The following ECRG4 variants were observed in gnomAD, a reference collection of about 807,000 sequenced individuals.
ECRG4 encodes the protein ECRG4 augurin precursor.
Under a neutral mutation model 15.8 loss-of-function variants are expected in ECRG4, and 18 were observed. That is an observed-to-expected ratio of 1.14 (90% confidence interval 0.79 to 1.69). The LOEUF (loss-of-function observed/expected upper bound fraction) is 1.69. Among genes scored for constraint, ECRG4 ranks in the 40% most tolerant of loss-of-function variants. ECRG4 has a pLI of 0.00. For synonymous variants in ECRG4, 82 were observed against 73.9 expected, an observed-to-expected ratio of 1.11 and a Z score of -0.56; for missense variants, 200 against 190.9, an observed-to-expected ratio of 1.05 and a Z score of -0.28.
chr2:106,069,160 CTTTCTTTCTTT>C (rs958410825), intron 1 of ECRG4, among the ~76,000 whole-genome samples: 3 of 133,962 alleles, frequency 2.2e-5, no homozygotes, highest in Non-Finnish European at 4.9e-5. Context: ...TTCTTTCTTT[CTTTCTTTCTTT>C]TTTCTTTCTT....
chr2:106,077,964 G>A lies in ECRG4; in HGVS notation c.*38G>A, dbSNP rs12636. The A allele has an allele frequency of 3.4e-5, 54 of 1,596,002 alleles. No homozygotes were observed. Among genetic ancestry groups the A allele is most frequent in the South Asian group, 4.5e-5 (4 of 88,772 alleles). Reference sequence around the variant, plus strand: ...ACACGCTGTACAAGAAGCAAATAGCGATTCTCTTCATGTATCTCCTAATGC... The same window carrying A: ...ACACGCTGTACAAGAAGCAAATAGCAATTCTCTTCATGTATCTCCTAATGC... On this transcript the variant is annotated 3_prime_UTR_variant, in exon 4 of 4. Transcript: ENST00000238044.
intron 1 of ECRG4, among the ~76,000 whole-genome samples, chr2:106,066,901 G>A (rs1038366383): frequency 1.2e-4 from 18 of 152,164 alleles, no homozygotes; most frequent in Admixed American, 7.2e-4. Context: ...TTCAGGTGGG[G>A]AGGATTATTG....
chr2:106,063,908 A>G (rs1031511952), upstream of ECRG4, among the ~76,000 whole-genome samples: 1 of 152,212 alleles, frequency 6.6e-6, no homozygotes, highest in African/African-American at 2.4e-5. Flanking sequence ...TGAATGTCAT[A>G]TTAGAAGTAG....
At chr2:106,064,659 A>G (rs146691520), upstream of ECRG4, among the ~76,000 whole-genome samples, 7 of 152,264 alleles carry the variant, frequency 4.6e-5, no homozygotes, top group African/African-American at 1.4e-4. Context: ...CCTGGGCAAC[A>G]AGAGTGAAAC....
chr2:106,071,457 G>C (rs920040317), intron 1 of ECRG4, among the ~76,000 whole-genome samples: 2 of 152,012 alleles, frequency 1.3e-5, no homozygotes, highest in Non-Finnish European at 2.9e-5. Context: ...ACATTCAGGG[G>C]TTTCTGGTGG....
Position 106,077,872 on chromosome 2 carries a change from C to A in ECRG4, c.393C>A (p.Pro131=). The A allele has an allele frequency of 6.2e-7, 1 of 1,614,122 alleles. No homozygotes were observed. Among genetic ancestry groups the A allele is most frequent in the Non-Finnish European group, 8.5e-7 (1 of 1,180,024 alleles). The change falls in exon 4 of 4, where the codon CCC becomes CCA. Residue 131 remains proline (P), a synonymous_variant. Coordinates refer to ENST00000238044, the MANE Select transcript of ECRG4 (RefSeq NM_032411.3). ...ATGATGAAGACTCTGCAATTGGTCC[C>A]CGGAGCCCCTACGGCTTTAGGCATG... ...RHYDEDSAIG[P]RSPYGFRHGA...
At chr2:106,068,472 T>A (rs746497535) in intron 1 of ECRG4, among the ~76,000 whole-genome samples, 6 of 152,200 alleles carry the variant, frequency 3.9e-5, no homozygotes, top group Non-Finnish European at 7.3e-5. Flanking sequence ...GCAGCAACAT[T>A]CATAATTCAT....
rs114752602 is a variant in ECRG4, at chr2:106,065,720, C to T, written c.-45C>T. ...TCCCGCGCCCGGTTCTCCCTCGCAGCACCTCGAAGTGCGCCCCTCGCCCTC... is the reference window on the plus strand; with the variant it reads ...TCCCGCGCCCGGTTCTCCCTCGCAGTACCTCGAAGTGCGCCCCTCGCCCTC... On this transcript the variant is annotated 5_prime_UTR_variant, in exon 1 of 4. Coordinates refer to ENST00000238044, the MANE Select transcript of ECRG4 (RefSeq NM_032411.3). 14 of 1,417,764 alleles carry T rather than the reference C, an allele frequency of 9.9e-6. No individual in the cohort carries two copies. Among genetic ancestry groups the T allele is most frequent in the Admixed American group, 2.5e-5 (1 of 39,684 alleles). 87.8% of individuals were successfully genotyped at this position (1,417,764 alleles called of 1,614,324 possible).
chr2:106,066,281 G>A (rs1264080147), intron 1 of ECRG4, among the ~76,000 whole-genome samples: 1 of 152,246 alleles, frequency 6.6e-6, no homozygotes, highest in Non-Finnish European at 1.5e-5. Flanking sequence ...TCCCAGCTGG[G>A]TCAAGTTGCA....
Position 106,076,152 on chromosome 2 carries a change from C to T in ECRG4, c.286-1613C>T, listed in dbSNP as rs933251317. Reference sequence around the variant, plus strand: ...CCAACATGGCAAAACCCTGTCTCTACTAAAAATACAAAAAAATTAGCCAGG... The same window carrying T: ...CCAACATGGCAAAACCCTGTCTCTATTAAAAATACAAAAAAATTAGCCAGG... On this transcript the variant is annotated intron_variant, in intron 3 of 3. Coordinates refer to ENST00000238044, the MANE Select transcript of ECRG4 (RefSeq NM_032411.3). 2.6e-5 allele frequency among the ~76,000 whole-genome samples: 4 copies of T among 152,000 alleles called. No homozygotes were observed. In the East Asian group the frequency reaches 5.8e-4, roughly 22 times the overall value.
At chr2:106,071,322 T>TAAAAAAAAAAAAAAAA (rs10649647) in intron 1 of ECRG4, among the ~76,000 whole-genome samples, 119 of 78,304 alleles carry the variant, frequency 1.5e-3, no homozygotes, top group African/African-American at 2.1e-3. Flanking sequence ...GGTAAGGCTG[T>TAAAAAAAAAAAAAAAA]AAAAAAAAAA....
rs971309618 is a variant in ECRG4, at chr2:106,077,917, T to C, written c.438T>C (p.Asp146=). 3.0e-5 allele frequency: 48 copies of C among 1,614,060 alleles called. No homozygotes were observed. The highest frequency in any genetic ancestry group is 4.0e-5 in the Non-Finnish European group (47 of 1,180,004). The change falls in exon 4 of 4, where the codon GAT becomes GAC. Residue 146 remains aspartate, a synonymous_variant. Transcript: ENST00000238044. ...GFRHGASVNY[D]DY ...GGCATGGAGCCAGCGTCAACTACGA[T>C]GACTACTAACCATGACTTGCCACAC...
chr2:106,068,652 GCACTTT>G (rs1676274884), intron 1 of ECRG4, among the ~76,000 whole-genome samples: 1 of 152,106 alleles, frequency 6.6e-6, no homozygotes, highest in South Asian at 2.1e-4. Flanking sequence ...TAATTGTTAA[GCACTTT>G]CACAGAAGGC....
At chr2:106,067,074 G>GGGGGGGGGGGGGC (rs1676238886) in intron 1 of ECRG4, among the ~76,000 whole-genome samples, 1 of 90,384 alleles carries the variant, frequency 1.1e-5, no homozygotes, top group African/African-American at 4.2e-5. Flanking sequence ...GGGGGGGGGG[G>GGGGGGGGGGGGGC]GCAGATCACC....
intron 1 of ECRG4, among the ~76,000 whole-genome samples, chr2:106,069,473 A>G (rs1381743118): frequency 1.3e-5 from 2 of 151,916 alleles, no homozygotes; most frequent in Admixed American, 6.6e-5. Flanking sequence ...AGCTGGGACT[A>G]CAGGCATGCA....
intron 1 of ECRG4, 128 bp from the exon 2 acceptor site, chr2:106,071,716 G>A (rs1270500570): frequency 3.0e-6 from 2 of 668,840 alleles, no homozygotes; most frequent in African/African-American, 3.6e-5. Flanking sequence ...GTTAAATACT[G>A]TGATGTTACC....
chr2:106,070,828 C>A (rs1676347874), intron 1 of ECRG4: 2 of 450,866 alleles, frequency 4.4e-6, no homozygotes, highest in Non-Finnish European at 9.2e-6. Flanking sequence ...AGGCTAAGAA[C>A]CCTGCTGAGA....
intron 1 of ECRG4, among the ~76,000 whole-genome samples, chr2:106,067,208 C>T (rs1033251426): frequency 6.6e-6 from 1 of 151,866 alleles, no homozygotes; most frequent in Admixed American, 6.6e-5. Flanking sequence ...AGGAGAATTG[C>T]TTGAATCTGG....
At chr2:106,063,949 G>A (rs185195296), upstream of ECRG4, among the ~76,000 whole-genome samples, 1 of 152,244 alleles carries the variant, frequency 6.6e-6, no homozygotes, top group African/African-American at 2.4e-5. Flanking sequence ...TAAGGGGGAT[G>A]ATCTCCACAG....
Sources: allele counts gnomAD v4.1 joint callset (sites outside exome capture counted in the v4.1 genomes callset), GRCh38; gene constraint gnomAD v4.1.1; transcripts MANE v1.5; gene names NCBI Gene and HGNC (gene_info 2026-07-23, HGNC 2026-07-21).